The following HOMER1 variants were observed in gnomAD, a reference collection of about 807,000 sequenced individuals.
HOMER1 encodes homer scaffold protein 1.
Under a neutral mutation model 48.9 loss-of-function variants are expected in HOMER1, and 3 were observed. That is an observed-to-expected ratio of 0.06 (90% CI 0.03 to 0.16). The LOEUF is 0.16. Among genes scored for constraint, HOMER1 ranks in the 10% least tolerant of loss-of-function variants. The pLI is 1.00. For synonymous variants in HOMER1, 134 were observed against 146.4 expected, an observed-to-expected ratio of 0.92 and a Z score of 0.61; for missense variants, 247 against 411.4, an observed-to-expected ratio of 0.60 and a Z score of 3.46.
intron 5 of HOMER1, among the ~76,000 whole-genome samples, chr5:79,428,089 A>C (rs1002722856): frequency 1.3e-5 from 2 of 152,346 alleles, no homozygotes; most frequent in African/African-American, 4.8e-5. Context: ...CTTCCTCTTT[A>C]GTCCAGTTCA....
At chr5:79,478,769 T>C (rs1751861946) in intron 1 of HOMER1, among the ~76,000 whole-genome samples, 1 of 152,120 alleles carries the variant, frequency 6.6e-6, no homozygotes, top group Non-Finnish European at 1.5e-5. Flanking sequence ...CTGACCAACA[T>C]GGTGAAACCG....
At chr5:79,506,545 G>T (rs995176390) in intron 1 of HOMER1, among the ~76,000 whole-genome samples, 1 of 152,114 alleles carries the variant, frequency 6.6e-6, no homozygotes, top group Admixed American at 6.5e-5. Flanking sequence ...ATGGAGAGGC[G>T]TGCTGTAAAA....
At chr5:79,416,511 T>C (rs1473901663) in intron 5 of HOMER1, among the ~76,000 whole-genome samples, 1 of 152,192 alleles carries the variant, frequency 6.6e-6, no homozygotes, top group Admixed American at 6.5e-5. Context: ...GAGAGTCCCA[T>C]AAGAGGGCCC....
chr5:79,447,630 T>C (rs1235898045), intron 3 of HOMER1, among the ~76,000 whole-genome samples: 1 of 152,178 alleles, frequency 6.6e-6, no homozygotes, highest in Non-Finnish European at 1.5e-5. Context: ...ATAGTAATAT[T>C]TACTATTTTC....
intron 5 of HOMER1, among the ~76,000 whole-genome samples, chr5:79,415,045 G>A (rs994821577): frequency 6.6e-6 from 1 of 151,916 alleles, no homozygotes. Context: ...AATAAAAGTA[G>A]AATAGTTTCT....
At chr5:79,477,519 A>T (rs1400269447) in intron 1 of HOMER1, among the ~76,000 whole-genome samples, 1 of 152,242 alleles carries the variant, frequency 6.6e-6, no homozygotes, top group Non-Finnish European at 1.5e-5. Context: ...TTTTTAGATC[A>T]CAAACTTGAA....
intron 1 of HOMER1, among the ~76,000 whole-genome samples, chr5:79,477,817 AG>A (rs1454897699): frequency 6.6e-6 from 1 of 152,156 alleles, no homozygotes; most frequent in Non-Finnish European, 1.5e-5. Flanking sequence ...TCTAAATCTA[AG>A]TTTAGCCAGG....
At chr5:79,422,245 A>T (rs1294821890) in intron 5 of HOMER1, among the ~76,000 whole-genome samples, 1 of 152,072 alleles carries the variant, frequency 6.6e-6, no homozygotes, top group African/African-American at 2.4e-5. Context: ...TAAAAAAAAA[A>T]AAATCAACAT....
At chr5:79,497,059 C>CAAAA (rs5868996) in intron 1 of HOMER1, among the ~76,000 whole-genome samples, 4 of 52,744 alleles carry the variant, frequency 7.6e-5, no homozygotes, top group African/African-American at 3.1e-4. Context: ...GACTTTGTCT[C>CAAAA]AAAAAAAAAA....
intron 1 of HOMER1, among the ~76,000 whole-genome samples, chr5:79,490,623 G>A (rs1328146002): frequency 6.6e-6 from 1 of 151,964 alleles, no homozygotes; most frequent in Non-Finnish European, 1.5e-5. Context: ...AAGAATCAAT[G>A]AAGTCAGAAC....
intron 1 of HOMER1, among the ~76,000 whole-genome samples, chr5:79,480,390 TTAAG>T (rs1441770890): frequency 6.6e-6 from 1 of 152,148 alleles, no homozygotes; most frequent in Non-Finnish European, 1.5e-5. Context: ...AGGGGGCAGT[TTAAG>T]TAACTGGTCA....
At chr5:79,438,543 G>A (rs1490220236) in intron 5 of HOMER1, among the ~76,000 whole-genome samples, 3 of 152,070 alleles carry the variant, frequency 2.0e-5, no homozygotes, top group African/African-American at 7.2e-5. Flanking sequence ...TTCCTTCTGT[G>A]AAATCACGTG....
intron 1 of HOMER1, among the ~76,000 whole-genome samples, chr5:79,475,207 G>A (rs1370670466): frequency 6.6e-6 from 1 of 151,628 alleles, no homozygotes; most frequent in African/African-American, 2.4e-5. Context: ...TTGAAGATGA[G>A]GAACCTGAAG....
intron 7 of HOMER1, among the ~76,000 whole-genome samples, chr5:79,397,221 G>T (rs1220756685): frequency 6.6e-6 from 1 of 152,086 alleles, no homozygotes; most frequent in East Asian, 1.9e-4. Flanking sequence ...CTGGAACCCA[G>T]AGAAACCAAC....
chr5:79,381,088 G>C (rs1378524971), intron 8 of HOMER1, among the ~76,000 whole-genome samples: 1 of 151,632 alleles, frequency 6.6e-6, no homozygotes, highest in African/African-American at 2.4e-5. Flanking sequence ...AGCAAACACA[G>C]CCCTGGAGCC....
intron 5 of HOMER1, among the ~76,000 whole-genome samples, chr5:79,420,790 C>T (rs774220198): frequency 1.3e-5 from 2 of 152,144 alleles, no homozygotes; most frequent in Non-Finnish European, 1.5e-5. Context: ...ATTCTGCTGT[C>T]TCATGAAGCT....
chr5:79,432,114 C>T (rs1024716967), intron 5 of HOMER1, among the ~76,000 whole-genome samples: 1 of 152,198 alleles, frequency 6.6e-6, no homozygotes, highest in Non-Finnish European at 1.5e-5. Context: ...GCTTGCCTGG[C>T]CTCTGCCTAG....
At chr5:79,379,125 A>ATATATATATT (rs1561340372) in intron 8 of HOMER1, among the ~76,000 whole-genome samples, 4 of 99,050 alleles carry the variant, frequency 4.0e-5, no homozygotes, top group African/African-American at 1.8e-4. Context: ...AAATATATAA[A>ATATATATATT]TATTTATTTA....
chr5:79,445,862 C>A (rs146023164), intron 4 of HOMER1, among the ~76,000 whole-genome samples: 2,218 of 152,240 alleles, frequency 0.015, 45 homozygotes, highest in African/African-American at 0.051. Flanking sequence ...TGCAGCGACC[C>A]GAGATTGTGC....
Sources: gnomAD v4.1 joint callset for allele counts (sites outside exome capture counted in the v4.1 genomes callset) on GRCh38, gnomAD v4.1.1 for gene constraint, MANE v1.5 for transcripts, NCBI Gene and HGNC (gene_info 2026-07-23, HGNC 2026-07-21) for gene names.